PI4KA: variants seen among roughly 807,000 people sequenced by gnomAD.
The protein encoded by PI4KA is PI4-kinase alpha.
A neutral mutation model predicts 271.4 loss-of-function variants in PI4KA; 122 were observed. The observed-to-expected ratio is 0.45, with a 90% CI of 0.39 to 0.52. The LOEUF is 0.52. PI4KA is among the 20% of genes least tolerant of loss of function. The probability of loss-of-function intolerance (pLI) is 0.00; values close to 1 mark genes in which losing one functional copy is unlikely to be tolerated. For synonymous variants in PI4KA, 1,041 were observed against 1,078.8 expected (o/e 0.96, Z 0.69); for missense variants, 1,969 against 2,769.1 (o/e 0.71, Z 6.48).
intron 19 of PI4KA, chr22:20,779,142 G>A: frequency 6.6e-7 from 1 of 1,518,814 alleles, no homozygotes. Flanking sequence ...ATCTACATCA[G>A]ATTCTCTTAA....
chr22:20,738,160 G>A (rs111341643), intron 32 of PI4KA, among the ~76,000 whole-genome samples: 1 of 151,948 alleles, frequency 6.6e-6, no homozygotes, highest in Non-Finnish European at 1.5e-5. Flanking sequence ...CAGGCAGGTG[G>A]GCACCTGGGC....
At chr22:20,734,589 A>AAC (rs1928478302) in intron 32 of PI4KA, 36 bp from the exon 33 acceptor site, 1 of 1,594,890 alleles carries the variant, frequency 6.3e-7, no homozygotes, top group African/African-American at 1.4e-5. Flanking sequence ...TCCTCTGTGA[A>AAC]ACACAAAAAG....
At chr22:20,777,393 T>C (rs914419214) in intron 19 of PI4KA, among the ~76,000 whole-genome samples, 1 of 152,136 alleles carries the variant, frequency 6.6e-6, no homozygotes, top group South Asian at 2.1e-4. Flanking sequence ...TTTTTTTGTA[T>C]TTTTTGTAGA....
intron 1 of PI4KA, among the ~76,000 whole-genome samples, chr22:20,847,147 C>CAAAAAAA (rs752062607): frequency 1.3e-5 from 1 of 74,924 alleles, no homozygotes. Flanking sequence ...GACTCCATCT[C>CAAAAAAA]AAAAAAAAAA....
intron 19 of PI4KA, chr22:20,786,955 G>A: frequency 6.2e-7 from 1 of 1,614,166 alleles, no homozygotes; most frequent in Non-Finnish European, 8.5e-7. Flanking sequence ...TCATGCCGCT[G>A]TCCACCCAAG....
At chr22:20,801,925 G>A (rs369269983) in intron 14 of PI4KA, 48 bp downstream of exon 14, 49 of 1,594,858 alleles carry the variant, frequency 3.1e-5, no homozygotes, top group Admixed American at 5.1e-5. Flanking sequence ...GTAATAACCC[G>A]CTTGTCTGGA....
At chr22:20,780,320 A>C in intron 19 of PI4KA, 1 of 1,485,320 alleles carries the variant, frequency 6.7e-7, no homozygotes, top group Admixed American at 1.7e-5. Flanking sequence ...ACTAGACACA[A>C]GATTGACTCT....
At chr22:20,828,741 G>C (rs1350931140) in intron 3 of PI4KA, among the ~76,000 whole-genome samples, 1 of 152,016 alleles carries the variant, frequency 6.6e-6, no homozygotes, top group African/African-American at 2.4e-5. Flanking sequence ...TTTCAGGAGA[G>C]ACAGGATTTC....
At chr22:20,722,340 C>A (rs982206852) in intron 42 of PI4KA, among the ~76,000 whole-genome samples, 2 of 152,136 alleles carry the variant, frequency 1.3e-5, no homozygotes, top group African/African-American at 4.8e-5. Context: ...GCGCACACCA[C>A]CACATCTGGC....
rs77884527 is a variant in PI4KA, at chr22:20,755,788, C to A, written c.2792-2608G>T. Among the ~76,000 whole-genome samples, 5 of 145,978 alleles carry A rather than the reference C, an allele frequency of 3.4e-5. No individual in the cohort carries two copies. The South Asian group carries it at 8.6e-4, about 25-fold the overall frequency. Reference sequence around the variant, plus strand: ...CTGCACTCTAGGCTGGGTGACAGAGCGACACACTGTCACATAAAAAAAAAA... The same window carrying A: ...CTGCACTCTAGGCTGGGTGACAGAGAGACACACTGTCACATAAAAAAAAAA... On this transcript the variant is annotated intron_variant, in intron 23 of 54. Transcript: ENST00000255882.
chr22:20,768,635 T>A (rs1344086418), intron 19 of PI4KA, among the ~76,000 whole-genome samples: 1 of 152,162 alleles, frequency 6.6e-6, no homozygotes, highest in Admixed American at 6.5e-5. Flanking sequence ...AGGGTGCAGG[T>A]GCCGGTCCAG....
chr22:20,830,774 GT>G (rs1351816293), intron 3 of PI4KA, among the ~76,000 whole-genome samples: 1 of 151,976 alleles, frequency 6.6e-6, no homozygotes, highest in Non-Finnish European at 1.5e-5. Flanking sequence ...TATTGTTGTT[GT>G]TTGTTCTTTT....
At position 20,718,686 on chromosome 22, in the gene PI4KA, C is replaced by A; in HGVS notation, c.5246+7G>T. On this transcript the variant is annotated splice_region_variant and intron_variant, in intron 44 of 54. Coordinates refer to ENST00000255882, the MANE Select transcript of PI4KA (RefSeq NM_058004.4). ...CCAGAAGGTGGTTTCTGAAGCACTG[C>A]ACTTACTTGATGATAGCCGACACGT... 2.5e-6 allele frequency: 4 copies of A among 1,613,070 alleles called. No individual in the cohort carries two copies. The highest frequency in any genetic ancestry group is 1.3e-5 in the African/African-American group (1 of 75,022).
At chr22:20,768,768 G>A (rs1300086377) in intron 19 of PI4KA, among the ~76,000 whole-genome samples, 2 of 152,188 alleles carry the variant, frequency 1.3e-5, no homozygotes, top group Non-Finnish European at 2.9e-5. Context: ...TAGGTGCTGA[G>A]GAGGTGGGGC....
chr22:20,828,945 C>G (rs1279884720), intron 3 of PI4KA, among the ~76,000 whole-genome samples: 1 of 152,114 alleles, frequency 6.6e-6, no homozygotes, highest in Non-Finnish European at 1.5e-5. Flanking sequence ...GTTTTTAGTT[C>G]TGTTTCTGCC....
At chr22:20,774,202 T>C (rs150718056) in intron 19 of PI4KA, 2 of 152,202 alleles carry the variant, frequency 1.3e-5, no homozygotes, top group African/African-American at 4.8e-5. Flanking sequence ...TGTTTACGGA[T>C]AGGCAACTGG....
At chr22:20,712,287 C>T (rs1395512459) in intron 50 of PI4KA, 199 bp downstream of exon 50, 2 of 770,314 alleles carry the variant, frequency 2.6e-6, no homozygotes, top group South Asian at 5.8e-5. Context: ...GATCTCTTGA[C>T]CTCGTGATCT....
At chr22:20,798,786 C>T (rs1159133603) in intron 16 of PI4KA, 99 bp from the exon 17 acceptor site, 10 of 828,860 alleles carry the variant, frequency 1.2e-5, no homozygotes, top group African/African-American at 5.0e-5. Context: ...TGGGGCACAA[C>T]AGCCCAAAGA....
At position 20,713,267 on chromosome 22, in the gene PI4KA, C is replaced by T. The variant is rs542523616; in HGVS notation, c.5571+14G>A. 2.3e-4 allele frequency: 362 copies of T among 1,553,756 alleles called. 3 individuals are homozygous for T. In the South Asian group the frequency reaches 3.9e-3, roughly 17 times the overall value. ...CCCAGTCCCCAAGCCTACTCGAGGCCTGACCCTGCTTACCTGCCGGCAGTC... is the reference window on the plus strand; with the variant it reads ...CCCAGTCCCCAAGCCTACTCGAGGCTTGACCCTGCTTACCTGCCGGCAGTC... On this transcript the variant is annotated intron_variant, in intron 48 of 54. Coordinates refer to ENST00000255882, the MANE Select transcript of PI4KA (RefSeq NM_058004.4).
Sources: gnomAD v4.1 joint callset for allele counts (sites outside exome capture counted in the v4.1 genomes callset) on GRCh38, gnomAD v4.1.1 for gene constraint, MANE v1.5 for transcripts, NCBI Gene and HGNC (gene_info 2026-07-23, HGNC 2026-07-21) for gene names.